The following GUCA2A variants were observed in gnomAD, a reference collection of about 807,000 sequenced individuals.
GUCA2A encodes the protein guanylin.
A neutral mutation model predicts 11.2 loss-of-function variants in GUCA2A; 17 were observed. That is an observed-to-expected ratio of 1.52 (90% CI 1.04 to 2.28). GUCA2A has a LOEUF of 2.28. GUCA2A is among the 30% of genes most tolerant of loss of function. The pLI is 0.00. For synonymous variants in GUCA2A, 64 were observed against 57.1 expected (o/e 1.12, Z -0.54); for missense variants, 173 against 139.3 (o/e 1.24, Z -1.22).
Position 42,162,901 on chromosome 1 carries a change from C to T in GUCA2A, c.*5G>A, listed in dbSNP as rs1230741180. 1.2e-6 allele frequency: 2 copies of T among 1,610,748 alleles called. No individual in the cohort carries two copies. The highest frequency in any genetic ancestry group is 1.7e-6 in the Non-Finnish European group (2 of 1,177,232). Reference sequence around the variant, plus strand: ...GGAGGGGAGGCAGGCAGTGGGCAAGCCCCCCTAGCATCCGGTACAGGCAGC... The same window carrying T: ...GGAGGGGAGGCAGGCAGTGGGCAAGTCCCCCTAGCATCCGGTACAGGCAGC... On this transcript the variant is annotated 3_prime_UTR_variant, in exon 3 of 3. Coordinates refer to ENST00000357001, the MANE Select transcript of GUCA2A (RefSeq NM_033553.3).
chr1:42,164,725 CGA>C lies in GUCA2A; in HGVS notation c.-15_-14del. ...GGAAGGCATTCATGGCAGCAGTGCC[CGA>C]GAGAGGGGTGGCTGTTCTGGATGCC... is the stretch of plus-strand genomic sequence containing the variant. On this transcript the variant is annotated 5_prime_UTR_variant, in exon 1 of 3. Transcript: ENST00000357001. The C allele has an allele frequency of 6.6e-7, 1 of 1,517,794 alleles. No homozygotes were observed. The highest frequency in any genetic ancestry group is 9.0e-7 in the Non-Finnish European group (1 of 1,115,524). 94.0% of individuals were successfully genotyped at this position (1,517,794 alleles called of 1,614,324 possible).
Position 42,162,910 on chromosome 1 carries a change from C to T in GUCA2A, c.344G>A (p.Cys115Tyr), listed in dbSNP as rs139468524. 596 of 1,613,082 alleles carry T rather than the reference C, an allele frequency of 3.7e-4. 1 individual carries two copies. The highest frequency in any genetic ancestry group is 9.9e-4 in the Middle Eastern group (6 of 6,060). Residue 115 changes from cysteine (C) to tyrosine (Y), a missense_variant, in exon 3 of 3, where the codon TGC (cysteine) becomes TAC (tyrosine). Transcript: ENST00000357001. ...GCAGGCAGTGGGCAAGCCCCCCTAGCATCCGGTACAGGCAGCGTAGGCACA... is the reference window on the plus strand; with the variant it reads ...GCAGGCAGTGGGCAAGCCCCCCTAGTATCCGGTACAGGCAGCGTAGGCACA... ...EICAYAACTG[C>Y]
At position 42,162,741 on chromosome 1, in the gene GUCA2A, G is replaced by A; in HGVS notation, c.*165C>T. On this transcript the variant is annotated 3_prime_UTR_variant, in exon 3 of 3. Transcript: ENST00000357001. ...GGGGTTGAAGTGGCAGGGAAGGACA[G>A]TGTTGGGGCGAGGCCTCCAGTCACC... The A allele has an allele frequency of 6.3e-6, 4 of 631,376 alleles. No individual in the cohort carries two copies. Among genetic ancestry groups the A allele is most frequent in the South Asian group, 3.7e-5 (2 of 54,412 alleles). The allele number at this position is 631,376 out of a possible 1,614,324, so 39.1% of individuals were successfully genotyped here.
chr1:42,163,722 A>G (rs2232220), intron 1 of GUCA2A, 112 bp from the exon 2 acceptor site: 3 of 690,244 alleles, frequency 4.3e-6, no homozygotes, highest in Non-Finnish European at 7.4e-6. Flanking sequence ...TGTTCGTGGC[A>G]TATGGGAGCC....
In GUCA2A at chr1:42,162,886, C is replaced by T. The variant is rs1646135220; in HGVS notation, c.*20G>A. 6.3e-7 allele frequency: 1 copy of T among 1,599,350 alleles called. No homozygotes were observed. The highest frequency in any genetic ancestry group is 8.6e-7 in the Non-Finnish European group (1 of 1,166,864). On this transcript the variant is annotated 3_prime_UTR_variant, in exon 3 of 3. Coordinates refer to ENST00000357001, the MANE Select transcript of GUCA2A (RefSeq NM_033553.3). ...GAGCTTCCCTGCTGCGGAGGGGAGGCAGGCAGTGGGCAAGCCCCCCTAGCA... is the reference window on the plus strand; with the variant it reads ...GAGCTTCCCTGCTGCGGAGGGGAGGTAGGCAGTGGGCAAGCCCCCCTAGCA...
At position 42,162,953 on chromosome 1, in the gene GUCA2A, G is replaced by C. The variant is rs563836269; in HGVS notation, c.301C>G (p.Pro101Ala). The C allele has an allele frequency of 4.3e-6, 7 of 1,613,714 alleles. No homozygotes were observed. In the African/African-American group the frequency reaches 6.7e-5, roughly 15 times the overall value. ...LQRLEEIAED[P>A]GTCEICAYAA... The stretch of plus-strand genomic sequence containing the variant: ...TAGGCACAGATTTCACATGTGCCCG[G>C]GTCCTCAGCGATTTCCTCTGCACAA... The change falls in exon 3 of 3, where the codon CCG becomes GCG. Residue 101 changes from proline to alanine, a missense_variant. Pro to Ala is a conservative substitution (Grantham distance 27, BLOSUM62 -1). Coordinates refer to ENST00000357001, the MANE Select transcript of GUCA2A (RefSeq NM_033553.3).
rs2232222 is a variant in GUCA2A, at chr1:42,163,434, C to T, written c.252G>A (p.Glu84=). ...FPEELKPLCK[E]PNAQEILQRL... ...TCTGAAGTATCTCCTGGGCATTGGGCTCCTTGCAGAGAGGCTTGAGTTCTT... is the reference window on the plus strand; with the variant it reads ...TCTGAAGTATCTCCTGGGCATTGGGTTCCTTGCAGAGAGGCTTGAGTTCTT... The change falls in exon 2 of 3, where the codon GAG becomes GAA. Residue 84 remains glutamate, a synonymous_variant. Transcript: ENST00000357001. The T allele has an allele frequency of 1.6e-3, 2,590 of 1,613,644 alleles. 37 individuals are homozygous for T. The African/African-American group carries it at 0.031, about 20-fold the overall frequency.
chr1:42,164,524 C>G (rs902310313), intron 1 of GUCA2A, 114 bp downstream of exon 1: 8 of 663,574 alleles, frequency 1.2e-5, no homozygotes, highest in African/African-American at 8.9e-5. Context: ...GAAGGCCAAG[C>G]CTGGGACACA....
At chr1:42,163,304 C>A (rs1395425199) in intron 2 of GUCA2A, 99 bp downstream of exon 2, 3 of 782,766 alleles carry the variant, frequency 3.8e-6, no homozygotes, top group East Asian at 5.2e-5. Context: ...CAGAGCTGAG[C>A]CCTTCCTCCA....
rs752958404 is a variant in GUCA2A at position 42,163,552 on chromosome 1, G to T, written c.134C>A (p.Pro45His). The change falls in exon 2 of 3, where the codon CCC becomes CAC. Residue 45 changes from proline (P) to histidine (H), a missense_variant. By Grantham distance (77) the Pro-to-His change is moderately conservative (BLOSUM62 -2). Transcript: ENST00000357001. ...SVKKLKDLQE[P>H]QEPRVGKLRN... is the part of the protein sequence containing the mutation. ...GAGTTTCCCAACCCTGGGCTCCTGG[G>T]GCTCCTGGAGGTCTTTGAGCTTCTT... 6.2e-6 allele frequency: 10 copies of T among 1,613,568 alleles called. No homozygotes were observed. The highest frequency in any genetic ancestry group is 7.6e-6 in the Non-Finnish European group (9 of 1,179,510).
In GUCA2A at chr1:42,163,579, A is replaced by C. The variant is rs1275960156; in HGVS notation, c.107T>G (p.Val36Gly). The C allele has an allele frequency of 6.2e-7, 1 of 1,613,360 alleles. No individual in the cohort carries two copies. The highest frequency in any genetic ancestry group is 1.3e-5 in the African/African-American group (1 of 74,992). Residue 36 changes from valine to glycine, a missense_variant, in exon 2 of 3, where the codon GTG (valine) becomes GGG (glycine). Transcript: ENST00000357001. ...DGNFSFSLES[V>G]KKLKDLQEPQ... Reference sequence around the variant, plus strand: ...CTCCTGGAGGTCTTTGAGCTTCTTCACTGACTCCAGAGAAAAGGAGAAATT... The same window carrying C: ...CTCCTGGAGGTCTTTGAGCTTCTTCCCTGACTCCAGAGAAAAGGAGAAATT...
chr1:42,162,980 A>T lies in GUCA2A; in HGVS notation c.284-10T>A. ...TCCTCAGCGATTTCCTCTGCACAACAGAGATGGAGCCTCGTGAGAACCAGC... is the reference window on the plus strand; with the variant it reads ...TCCTCAGCGATTTCCTCTGCACAACTGAGATGGAGCCTCGTGAGAACCAGC... On this transcript the variant is annotated splice_polypyrimidine_tract_variant and intron_variant, in intron 2 of 2. Transcript: ENST00000357001. 6.2e-7 allele frequency: 1 copy of T among 1,611,196 alleles called. No homozygotes were observed. Among genetic ancestry groups the T allele is most frequent in the Non-Finnish European group, 8.5e-7 (1 of 1,177,454 alleles).
At position 42,163,475 on chromosome 1, in the gene GUCA2A, T is replaced by C. The variant is rs1304219594; in HGVS notation, c.211A>G (p.Asn71Asp). ...GEPVVPILCS[N>D]PNFPEELKPL... Reference sequence around the variant, plus strand: ...TTGAGTTCTTCTGGAAAGTTCGGGTTGCTACAGAGGATGGGAACCACAGGT... The same window carrying C: ...TTGAGTTCTTCTGGAAAGTTCGGGTCGCTACAGAGGATGGGAACCACAGGT... Residue 71 changes from asparagine to aspartate, a missense_variant, in exon 2 of 3, where the codon AAC (asparagine) becomes GAC (aspartate). Transcript: ENST00000357001. 6.2e-7 allele frequency: 1 copy of C among 1,614,032 alleles called. No homozygotes were observed.
At chr1:42,163,776 C>T (rs1006301430) in intron 1 of GUCA2A, among the ~76,000 whole-genome samples, 166 bp from the exon 2 acceptor site, 1 of 152,232 alleles carries the variant, frequency 6.6e-6, no homozygotes, top group Admixed American at 6.5e-5. Context: ...AGTTCAGGCC[C>T]CACGTCCTGG....
In GUCA2A at chr1:42,162,829, G is replaced by C; in HGVS notation, c.*77C>G. The C allele has an allele frequency of 1.7e-6, 2 of 1,181,872 alleles. No individual in the cohort carries two copies. The highest frequency in any genetic ancestry group is 2.5e-6 in the Non-Finnish European group (2 of 787,800). 73.2% of individuals were successfully genotyped at this position (1,181,872 alleles called of 1,614,324 possible). On this transcript the variant is annotated 3_prime_UTR_variant, in exon 3 of 3. Coordinates refer to ENST00000357001, the MANE Select transcript of GUCA2A (RefSeq NM_033553.3). ...GGTAGGTTGAGCTGCTGGGAGTGGA[G>C]TATCATGGGTGGCCCTTTCTGCAGG... is the stretch of plus-strand genomic sequence containing the variant.
chr1:42,163,257 C>G, intron 2 of GUCA2A, 146 bp downstream of exon 2: 1 of 640,962 alleles, frequency 1.6e-6, no homozygotes, highest in Non-Finnish European at 2.8e-6. Flanking sequence ...ATGGAACAGA[C>G]CCACCAATCA....
intron 2 of GUCA2A, 54 bp downstream of exon 2, chr1:42,163,349 T>C: frequency 1.7e-6 from 2 of 1,143,430 alleles, no homozygotes; most frequent in South Asian, 2.6e-5. Flanking sequence ...CTTCCTCAAG[T>C]GCCACCACAG....
Position 42,163,402 on chromosome 1 carries a change from C to A in GUCA2A, c.283+1G>T. The A allele has an allele frequency of 1.3e-6, 2 of 1,591,288 alleles. No individual in the cohort carries two copies. Among genetic ancestry groups the A allele is most frequent in the Non-Finnish European group, 8.6e-7 (1 of 1,159,214 alleles). The stretch of plus-strand genomic sequence containing the variant: ...AATCAGAGAGGAAGGAGGCTGCTCA[C>A]CCAGCCTCTGAAGTATCTCCTGGGC... On this transcript the variant is annotated splice_donor_variant, in intron 2 of 2. Coordinates refer to ENST00000357001, the MANE Select transcript of GUCA2A (RefSeq NM_033553.3). LOFTEE classifies it high-confidence loss of function.
At chr1:42,164,241 C>A (rs181855161) in intron 1 of GUCA2A, among the ~76,000 whole-genome samples, 110 of 152,364 alleles carry the variant, frequency 7.2e-4, no homozygotes, top group African/African-American at 2.6e-3. Flanking sequence ...TCCTGCACTT[C>A]CCACAGCCAT....
Sources: gnomAD v4.1 joint callset for allele counts (sites outside exome capture counted in the v4.1 genomes callset) on GRCh38, gnomAD v4.1.1 for gene constraint, MANE v1.5 for transcripts, NCBI Gene and HGNC (gene_info 2026-07-23, HGNC 2026-07-21) for gene names.